PAXIP1: variants seen among roughly 807,000 people sequenced by gnomAD.
The protein encoded by PAXIP1 is PAX interacting protein 1.
In PAXIP1, 19 loss-of-function variants were observed where a neutral mutation model predicts 140.6. The observed-to-expected ratio is 0.14, with a 90% CI of 0.09 to 0.20. PAXIP1 has a LOEUF of 0.20. PAXIP1 is among the 10% of genes least tolerant of loss of function. The pLI, the probability that PAXIP1 is intolerant of heterozygous loss-of-function variation, is 1.00. For missense variants in PAXIP1, 920 were observed against 1,208.6 expected (o/e 0.76, Z 3.54); for synonymous variants, 442 against 444.6 (o/e 0.99, Z 0.07).
intron 20 of PAXIP1, chr7:154,944,783 T>C (rs1293230713): frequency 2.6e-5 from 4 of 152,206 alleles, no homozygotes; most frequent in African/African-American, 7.2e-5. Context: ...ATAGCATATC[T>C]GTAAAAATTT....
At chr7:154,988,639 A>C (rs1435750334) in intron 4 of PAXIP1, among the ~76,000 whole-genome samples, 2 of 152,176 alleles carry the variant, frequency 1.3e-5, no homozygotes, top group African/African-American at 4.8e-5. Flanking sequence ...TCAAGTCTTC[A>C]AAATCCCATG....
rs1168911503 is a variant in PAXIP1 at position 154,992,594 on chromosome 7, C to CAA, written c.260+1130_260+1131dup. On this transcript the variant is annotated intron_variant, in intron 3 of 20. Transcript: ENST00000404141. ...TGGGCGACAGAGCAAGACTCTGTCTCAAAAAAAAAAAAAAGATCTCAGCTT... is the reference window on the plus strand; with the variant it reads ...TGGGCGACAGAGCAAGACTCTGTCTCAAAAAAAAAAAAAAAAGATCTCAGCTT... 3.0e-3 allele frequency among the ~76,000 whole-genome samples: 333 copies of CAA among 111,262 alleles called. 2 individuals are homozygous for CAA. Among genetic ancestry groups the CAA allele is most frequent in the African/African-American group, 0.01 (319 of 30,936 alleles). The allele number at this position is 111,262 out of a possible 152,430, so 73.0% of individuals were successfully genotyped here.
rs1170735604 is a variant in PAXIP1 at position 154,963,808 on chromosome 7, G to A, written c.1894-42C>T. ...GACCAATGCAGTCATCAATCACTCA[G>A]AATAGAGGAGAATTCCAATTTCAAA... is the stretch of plus-strand genomic sequence containing the variant. On this transcript the variant is annotated intron_variant, in intron 8 of 20. Transcript: ENST00000404141. The surrounding 1 kb of genome is among the most constrained non-coding windows in gnomAD (Gnocchi z 4.1). The A allele has an allele frequency of 1.5e-6, 2 of 1,301,604 alleles. No individual in the cohort carries two copies. The highest frequency in any genetic ancestry group is 1.1e-6 in the Non-Finnish European group (1 of 904,612). 80.6% of individuals were successfully genotyped at this position (1,301,604 alleles called of 1,614,324 possible). A position where few individuals can be genotyped will look rare whatever the true frequency, so the allele number is the denominator to read the frequency against.
intron 8 of PAXIP1, chr7:154,965,842 T>C (rs1274480375): frequency 4.6e-5 from 7 of 152,360 alleles, no homozygotes. Flanking sequence ...TCTGATTGCA[T>C]GGGGGTGAGC....
chr7:154,971,748 C>A (rs575113050), intron 6 of PAXIP1, among the ~76,000 whole-genome samples: 6 of 152,274 alleles, frequency 3.9e-5, no homozygotes, highest in Admixed American at 1.3e-4. Context: ...CAGTATGATA[C>A]ACATCACATG....
In PAXIP1 at chr7:154,956,707, A is replaced by G. The variant is rs1018624272; in HGVS notation, c.2549+517T>C. 4.6e-5 allele frequency: 7 copies of G among 152,832 alleles called. No homozygotes were observed. Among genetic ancestry groups the G allele is most frequent in the African/African-American group, 1.7e-4 (7 of 41,452 alleles). The allele number at this position is 152,832 out of a possible 1,614,324, so 9.5% of individuals were successfully genotyped here. A position where few individuals can be genotyped will look rare whatever the true frequency, so the allele number is the denominator to read the frequency against. On this transcript the variant is annotated intron_variant, in intron 14 of 20. Transcript: ENST00000404141. This position sits in a 1 kb window ranked among gnomAD's most constrained non-coding sequence, Gnocchi z 4.2. Reference sequence around the variant, plus strand: ...TGGATCCTCCTTCCCACCGTGGCCAACATTGCTTTGTCCTCATCAAGAACT... The same window carrying G: ...TGGATCCTCCTTCCCACCGTGGCCAGCATTGCTTTGTCCTCATCAAGAACT...
At chr7:154,991,983 TA>T (rs927430114) in intron 3 of PAXIP1, among the ~76,000 whole-genome samples, 1 of 152,164 alleles carries the variant, frequency 6.6e-6, no homozygotes, top group East Asian at 1.9e-4. Flanking sequence ...TCCCTGGCTG[TA>T]AAAAAAACTC....
At chr7:154,969,840 A>G (rs1809214700) in intron 6 of PAXIP1, among the ~76,000 whole-genome samples, 1 of 152,202 alleles carries the variant, frequency 6.6e-6, no homozygotes, top group African/African-American at 2.4e-5. Flanking sequence ...CCTCCCAACT[A>G]AGGACTCATC....
chr7:154,982,257 T>A (rs1473185803), intron 5 of PAXIP1, among the ~76,000 whole-genome samples: 1 of 152,214 alleles, frequency 6.6e-6, no homozygotes, highest in Non-Finnish European at 1.5e-5. Flanking sequence ...GTTCTGAAAC[T>A]TTAGTATGCA....
At position 154,996,218 on chromosome 7, in the gene PAXIP1, T is replaced by C. The variant is rs4960659; in HGVS notation, c.216+2432A>G. Among the ~76,000 whole-genome samples the C allele has an allele frequency of 4.6e-3, 694 of 152,298 alleles. 8 individuals carry two copies. The highest frequency in any genetic ancestry group is 0.015 in the African/African-American group (640 of 41,562). On this transcript the variant is annotated intron_variant, in intron 2 of 20. Coordinates refer to ENST00000404141, the MANE Select transcript of PAXIP1 (RefSeq NM_007349.4). Reference sequence around the variant, plus strand: ...ATATCAGGATCTACTTGAAATATCTTAGAGTGAAGGCAAACTGTTGAGTCA... The same window carrying C: ...ATATCAGGATCTACTTGAAATATCTCAGAGTGAAGGCAAACTGTTGAGTCA...
chr7:155,000,542 C>CT (rs1220293506), intron 1 of PAXIP1: 1 of 152,332 alleles, frequency 6.6e-6, no homozygotes, highest in African/African-American at 2.4e-5. Flanking sequence ...GGCACCTTCT[C>CT]TATTTCCTTC....
chr7:154,966,684 A>T (rs10255213), intron 8 of PAXIP1, among the ~76,000 whole-genome samples: 2,245 of 152,020 alleles, frequency 0.015, 57 homozygotes, highest in African/African-American at 0.05. Flanking sequence ...TTCCTTCCTC[A>T]CCCTGGCACA....
chr7:155,001,498 G>C (rs1017452215), intron 1 of PAXIP1: 2 of 147,984 alleles, frequency 1.4e-5, no homozygotes, highest in African/African-American at 5.2e-5. Context: ...AAGATAGAAG[G>C]CTTTTTTTTT....
At position 154,946,671 on chromosome 7, in the gene PAXIP1, C is replaced by G. The variant is rs1366169804; in HGVS notation, c.3057+8G>C. ...GACGGACTCGCTGGCGGACTCCACT[C>G]TACCCACCGAGTTCTGCTTGTGCTC... On this transcript the variant is annotated splice_region_variant and intron_variant, in intron 18 of 20. Transcript: ENST00000404141. This position sits in a 1 kb window ranked among gnomAD's most constrained non-coding sequence, Gnocchi z 4.9. The G allele has an allele frequency of 6.2e-7, 1 of 1,613,792 alleles. No homozygotes were observed.
intron 9 of PAXIP1, 167 bp from the exon 10 acceptor site, chr7:154,962,625 G>GTTA: frequency 1.8e-6 from 1 of 543,768 alleles, no homozygotes; most frequent in Non-Finnish European, 3.2e-6. Context: ...CGTGTAGCTG[G>GTTA]TTACTTGAAA....
At position 154,975,999 on chromosome 7, in the gene PAXIP1, C is replaced by T. The variant is rs73493726; in HGVS notation, c.771G>A (p.Pro257=). The change falls in exon 6 of 21, where the codon CCG becomes CCA. Residue 257 remains proline, a synonymous_variant. Transcript: ENST00000404141. ...AGTTTAAATTTCTCTCCTGTTTTTC[C>T]GGTGATGAATCTGAAGAATCATCAA... is the stretch of plus-strand genomic sequence containing the variant. The part of the protein sequence containing the change: ...LMFDDSSDSS[P]EKQERNLNWT... 6.7e-4 allele frequency: 1,084 copies of T among 1,613,334 alleles called. 7 individuals carry two copies. In the African/African-American group the frequency reaches 0.013, roughly 19 times the overall value.
At chr7:154,948,684 C>T (rs1393348825) in intron 16 of PAXIP1, 1 of 151,730 alleles carries the variant, frequency 6.6e-6, no homozygotes, top group African/African-American at 2.4e-5. Flanking sequence ...AGTTCACCAA[C>T]TTTCCAAGCC....
At chr7:154,960,465 G>T (rs1479296952) in intron 12 of PAXIP1, among the ~76,000 whole-genome samples, 1 of 152,096 alleles carries the variant, frequency 6.6e-6, no homozygotes, top group Non-Finnish European at 1.5e-5. Context: ...GGCCTGAGAG[G>T]CAAGACTATC....
Position 154,964,036 on chromosome 7 carries a change from T to C in PAXIP1, c.1894-270A>G, listed in dbSNP as rs551815275. 1.3e-5 allele frequency: 5 copies of C among 390,630 alleles called. No homozygotes were observed. The East Asian group carries it at 2.1e-4, about 16-fold the overall frequency. 24.2% of individuals were successfully genotyped at this position (390,630 alleles called of 1,614,324 possible). ...GCACTCCAGGGCTTCTCAAGCTCAA[T>C]GTAACTGCCACTCTGGACCAGGGAG... On this transcript the variant is annotated intron_variant, in intron 8 of 20. Transcript: ENST00000404141.
Sources: allele counts gnomAD v4.1 joint callset (sites outside exome capture counted in the v4.1 genomes callset), GRCh38; gene constraint gnomAD v4.1.1; non-coding constraint Gnocchi (gnomAD v3.1); transcripts MANE v1.5; gene names NCBI Gene and HGNC (gene_info 2026-07-23, HGNC 2026-07-21).